The following GPC5 variants were observed in gnomAD, a reference collection of about 807,000 sequenced individuals.
GPC5 encodes glypican 5.
GPC5 carries 47 observed loss-of-function variants against 53.9 expected under a neutral mutation model. The ratio of observed to expected loss-of-function variants is 0.87; its 90% confidence interval spans 0.69 to 1.11. The LOEUF (loss-of-function observed/expected upper bound fraction) is 1.11, where lower values mean the gene tolerates loss of function less well. GPC5 is among the 50% of genes most tolerant of loss of function. The probability of loss-of-function intolerance (pLI) is 0.00; values close to 1 mark genes in which losing one functional copy is unlikely to be tolerated. For synonymous variants in GPC5, 286 were observed against 263.3 expected, an observed-to-expected ratio of 1.09 and a Z score of -0.84; for missense variants, 748 against 713.1, an observed-to-expected ratio of 1.05 and a Z score of -0.56.
chr13:92,773,148 T>C (rs1875673447), intron 7 of GPC5, among the ~76,000 whole-genome samples: 1 of 152,168 alleles, frequency 6.6e-6, no homozygotes, highest in Non-Finnish European at 1.5e-5. Flanking sequence ...GTAGCATTTT[T>C]CCAGAATTTA....
intron 7 of GPC5, among the ~76,000 whole-genome samples, chr13:92,176,942 C>T (rs1214334782): frequency 6.6e-6 from 1 of 152,214 alleles, no homozygotes; most frequent in Non-Finnish European, 1.5e-5. Context: ...CTGCTTCACC[C>T]TGCCACTATG....
At chr13:91,705,063 A>G (rs1368887562) in intron 3 of GPC5, among the ~76,000 whole-genome samples, 1 of 152,112 alleles carries the variant, frequency 6.6e-6, no homozygotes, top group Admixed American at 6.6e-5. Flanking sequence ...AGGGTGGTGT[A>G]AGAGGTGTGA....
At chr13:91,768,894 T>C (rs1350346683) in intron 5 of GPC5, among the ~76,000 whole-genome samples, 2 of 152,206 alleles carry the variant, frequency 1.3e-5, no homozygotes, top group African/African-American at 2.4e-5. Flanking sequence ...ACTCATGCTC[T>C]GTAGGGTAGA....
At chr13:91,661,030 T>C (rs2139615520) in intron 2 of GPC5, among the ~76,000 whole-genome samples, 1 of 152,288 alleles carries the variant, frequency 6.6e-6, no homozygotes, top group East Asian at 1.9e-4. Flanking sequence ...AATAAACATA[T>C]TACTTGTGTG....
At chr13:91,907,125 A>C (rs2039561361) in intron 5 of GPC5, among the ~76,000 whole-genome samples, 1 of 149,358 alleles carries the variant, frequency 6.7e-6, no homozygotes, top group South Asian at 2.1e-4. Context: ...AAAATAAAGA[A>C]TATTATTACA....
intron 7 of GPC5, among the ~76,000 whole-genome samples, chr13:92,847,971 A>T (rs1382991062): frequency 6.6e-6 from 1 of 152,112 alleles, no homozygotes. Context: ...ACAATGTCTG[A>T]CTAGCTTTTT....
chr13:92,220,162 T>G (rs1441372235), intron 7 of GPC5, among the ~76,000 whole-genome samples: 1 of 152,206 alleles, frequency 6.6e-6, no homozygotes, highest in Non-Finnish European at 1.5e-5. Flanking sequence ...TACTTTGTGC[T>G]TTTCTTTTTG....
chr13:91,509,860 T>A (rs996663352), intron 2 of GPC5, among the ~76,000 whole-genome samples: 2 of 152,130 alleles, frequency 1.3e-5, no homozygotes, highest in Non-Finnish European at 2.9e-5. Flanking sequence ...AGATTACTCT[T>A]TAGATATAAA....
intron 7 of GPC5, among the ~76,000 whole-genome samples, chr13:92,497,647 C>A (rs1201541014): frequency 6.6e-6 from 1 of 151,978 alleles, no homozygotes; most frequent in Non-Finnish European, 1.5e-5. Context: ...TGAAGAATGT[C>A]AATGGTAGTT....
chr13:91,581,579 T>G (rs550992328), intron 2 of GPC5, among the ~76,000 whole-genome samples: 1 of 152,296 alleles, frequency 6.6e-6, no homozygotes, highest in East Asian at 1.9e-4. Context: ...GGATATATAT[T>G]CACTAATATA....
chr13:92,145,588 T>C (rs1327553360), intron 7 of GPC5, among the ~76,000 whole-genome samples: 2 of 152,018 alleles, frequency 1.3e-5, no homozygotes, highest in Non-Finnish European at 2.9e-5. Context: ...CAACAAAAAA[T>C]TACCAAATAG....
chr13:91,427,804 A>T (rs888079238), intron 1 of GPC5, among the ~76,000 whole-genome samples: 2 of 152,136 alleles, frequency 1.3e-5, no homozygotes, highest in Admixed American at 6.5e-5. Flanking sequence ...GTGTTGATGG[A>T]GAGACCTGGG....
chr13:92,576,613 A>G (rs545333346), intron 7 of GPC5, among the ~76,000 whole-genome samples: 1 of 152,306 alleles, frequency 6.6e-6, no homozygotes, highest in African/African-American at 2.4e-5. Context: ...AAGAAAAATT[A>G]GAGCAAGTAA....
chr13:92,800,092 T>C (rs1876843064), intron 7 of GPC5, among the ~76,000 whole-genome samples: 1 of 151,832 alleles, frequency 6.6e-6, no homozygotes, highest in Admixed American at 6.6e-5. Flanking sequence ...CTCAAAACAA[T>C]TTACTTTCAT....
At chr13:92,146,758 A>C (rs888151127) in intron 7 of GPC5, among the ~76,000 whole-genome samples, 4 of 152,108 alleles carry the variant, frequency 2.6e-5, no homozygotes, top group African/African-American at 9.7e-5. Context: ...AGAAAATACA[A>C]TGTTTGGTTT....
intron 7 of GPC5, among the ~76,000 whole-genome samples, chr13:92,809,025 C>G (rs1192195064): frequency 6.6e-6 from 1 of 152,010 alleles, no homozygotes; most frequent in East Asian, 1.9e-4. Flanking sequence ...AATATCAAAC[C>G]AGGAGGTAGA....
chr13:91,826,806 A>G (rs1449380223), intron 5 of GPC5, among the ~76,000 whole-genome samples: 1 of 152,036 alleles, frequency 6.6e-6, no homozygotes, highest in Non-Finnish European at 1.5e-5. Flanking sequence ...ACACTGTTCA[A>G]TTGAATGAGT....
In GPC5 at chr13:92,144,875, C is replaced by A. The variant is rs770713318; in HGVS notation, c.1447C>A (p.Gln483Lys). The A allele has an allele frequency of 1.2e-6, 2 of 1,611,720 alleles. No individual in the cohort carries two copies. The highest frequency in any genetic ancestry group is 3.4e-5 in the Admixed American group (2 of 59,654). ...CAAACCTGACAAGTGGGAACTTCTT[C>A]AGCTGGGCAGTGGTGGAGGCATGGT... is the stretch of plus-strand genomic sequence containing the variant. ...SPKPDKWELL[Q>K]LGSGGGMVEQ... The change falls in exon 7 of 8, where the codon CAG becomes AAG. Residue 483 changes from glutamine to lysine, a missense_variant. Physicochemically the swap from Gln to Lys is moderately conservative, Grantham distance 53 (BLOSUM62 1). Transcript: ENST00000377067.
At chr13:91,807,935 C>T (rs2138795217) in intron 5 of GPC5, among the ~76,000 whole-genome samples, 1 of 152,188 alleles carries the variant, frequency 6.6e-6, no homozygotes, top group East Asian at 1.9e-4. Flanking sequence ...AAGCAATGAA[C>T]AGACCAATGT....
Sources: gnomAD v4.1 joint callset for allele counts (sites outside exome capture counted in the v4.1 genomes callset) on GRCh38, gnomAD v4.1.1 for gene constraint, MANE v1.5 for transcripts, NCBI Gene and HGNC (gene_info 2026-07-23, HGNC 2026-07-21) for gene names.